The following ENOX1 variants were observed in gnomAD, a reference collection of about 807,000 sequenced individuals.
ENOX1 encodes the protein candidate growth-related and time keeping constitutive hydroquinone (NADH) oxidase.
In ENOX1, 42 loss-of-function variants were observed where a neutral mutation model predicts 82.5. That is an observed-to-expected ratio of 0.51 (90% CI 0.40 to 0.66). The LOEUF is 0.66. Among genes scored for constraint, ENOX1 ranks in the 30% least tolerant of loss-of-function variants. ENOX1 has a pLI of 0.00. For synonymous variants in ENOX1, 271 were observed against 282.2 expected, an observed-to-expected ratio of 0.96 and a Z score of 0.40; for missense variants, 608 against 811.6, an observed-to-expected ratio of 0.75 and a Z score of 3.05.
intron 14 of ENOX1, among the ~76,000 whole-genome samples, chr13:43,247,503 A>T (rs1433118588): frequency 6.6e-6 from 1 of 151,986 alleles, no homozygotes; most frequent in Non-Finnish European, 1.5e-5. Context: ...TTTTCATGGT[A>T]GTACTTCAGG....
Position 43,577,520 on chromosome 13 carries a change from A to C in ENOX1, c.-219+89959T>G, listed in dbSNP as rs778870709. Reference sequence around the variant, plus strand: ...GGCACCTTATGGCTGTATTCCCCTAAGGGGAAGAACACTGTGTCCTCATGT... The same window carrying C: ...GGCACCTTATGGCTGTATTCCCCTACGGGGAAGAACACTGTGTCCTCATGT... On this transcript the variant is annotated intron_variant, in intron 2 of 16. Coordinates refer to ENST00000690772, the MANE Select transcript of ENOX1 (RefSeq NM_001347969.2). Among the ~76,000 whole-genome samples the C allele has an allele frequency of 3.2e-4, 49 of 152,228 alleles. 2 individuals carry two copies. The highest frequency in any genetic ancestry group is 2.6e-4 in the Admixed American group (4 of 15,284).
intron 2 of ENOX1, among the ~76,000 whole-genome samples, chr13:43,655,339 C>A (rs2084380586): frequency 6.6e-6 from 1 of 152,010 alleles, no homozygotes; most frequent in Non-Finnish European, 1.5e-5. Flanking sequence ...GGATAATCTT[C>A]TGGTCACTTT....
intron 12 of ENOX1, among the ~76,000 whole-genome samples, chr13:43,276,648 T>C (rs1249153987): frequency 6.6e-6 from 1 of 152,246 alleles, no homozygotes; most frequent in African/African-American, 2.4e-5. Context: ...AATCCTGAGC[T>C]AATCCCTGAT....
Position 43,416,001 on chromosome 13 carries a change from C to T in ENOX1, c.-74-3013G>A, listed in dbSNP as rs370618464. Among the ~76,000 whole-genome samples, 140 of 149,914 alleles carry T rather than the reference C, an allele frequency of 9.3e-4. 2 individuals carry two copies. The highest frequency in any genetic ancestry group is 3.0e-3 in the African/African-American group (124 of 40,758). ...AGGGCGGCCAGGCAGAGGCGCTCCCCATCTCCCAGACGGGGCAGCCGGGCA... is the reference window on the plus strand; with the variant it reads ...AGGGCGGCCAGGCAGAGGCGCTCCCTATCTCCCAGACGGGGCAGCCGGGCA... On this transcript the variant is annotated intron_variant, in intron 3 of 16. Coordinates refer to ENST00000690772, the MANE Select transcript of ENOX1 (RefSeq NM_001347969.2).
At chr13:43,364,115 A>G (rs1216116871) in intron 5 of ENOX1, among the ~76,000 whole-genome samples, 1 of 152,222 alleles carries the variant, frequency 6.6e-6, no homozygotes, top group Non-Finnish European at 1.5e-5. Flanking sequence ...CAATATATGT[A>G]AAGATGGAAA....
chr13:43,361,028 G>A (rs904050094), intron 6 of ENOX1, among the ~76,000 whole-genome samples: 1 of 152,116 alleles, frequency 6.6e-6, no homozygotes, highest in Non-Finnish European at 1.5e-5. Context: ...CATGCAAAAA[G>A]TCTTAACGCT....
At chr13:43,558,394 A>G (rs1027555445) in intron 2 of ENOX1, among the ~76,000 whole-genome samples, 2 of 152,192 alleles carry the variant, frequency 1.3e-5, no homozygotes, top group Admixed American at 6.5e-5. Flanking sequence ...TTTGAAAACA[A>G]TTAGCTGGTT....
chr13:43,216,053 G>A (rs530433450), intron 16 of ENOX1, among the ~76,000 whole-genome samples: 10 of 152,222 alleles, frequency 6.6e-5, no homozygotes, highest in East Asian at 5.8e-4. Flanking sequence ...AAAATTAGCC[G>A]GGTGTGGTGG....
At chr13:43,512,463 T>G (rs545456631) in intron 2 of ENOX1, among the ~76,000 whole-genome samples, 88 of 152,160 alleles carry the variant, frequency 5.8e-4, no homozygotes, top group Non-Finnish European at 1.1e-3. Flanking sequence ...TACCATAATA[T>G]TTTGAAACAC....
chr13:43,280,721 C>T (rs565191871), intron 12 of ENOX1, among the ~76,000 whole-genome samples: 21 of 152,122 alleles, frequency 1.4e-4, no homozygotes, highest in Non-Finnish European at 2.8e-4. Context: ...GAAGTTAATC[C>T]AATGATTACA....
chr13:43,388,179 C>A (rs1467142065), intron 5 of ENOX1, among the ~76,000 whole-genome samples: 1 of 152,144 alleles, frequency 6.6e-6, no homozygotes, highest in East Asian at 1.9e-4. Context: ...TAGAAAGAAA[C>A]TCAACCCATT....
chr13:43,494,822 T>C (rs1315841907), intron 2 of ENOX1, among the ~76,000 whole-genome samples: 1 of 152,116 alleles, frequency 6.6e-6, no homozygotes, highest in Non-Finnish European at 1.5e-5. Flanking sequence ...TTTGAATAGG[T>C]CAGTTAGACA....
chr13:43,507,996 C>T (rs2077232263), intron 2 of ENOX1, among the ~76,000 whole-genome samples: 1 of 151,822 alleles, frequency 6.6e-6, no homozygotes, highest in African/African-American at 2.4e-5. Flanking sequence ...ATTTGAAAAA[C>T]ATTATATCAA....
chr13:43,471,405 T>C (rs941438663), intron 3 of ENOX1, among the ~76,000 whole-genome samples: 1 of 152,200 alleles, frequency 6.6e-6, no homozygotes, highest in African/African-American at 2.4e-5. Context: ...TCTTATCATA[T>C]GTAAATTTTA....
intron 2 of ENOX1, among the ~76,000 whole-genome samples, chr13:43,580,961 T>C (rs530726490): frequency 2.4e-4 from 37 of 152,272 alleles, no homozygotes; most frequent in Non-Finnish European, 4.0e-4. Context: ...CAGGTGGTAA[T>C]GAAAGTTAGG....
chr13:43,355,898 G>C (rs2050118611), intron 8 of ENOX1, 21 bp downstream of exon 8: 2 of 1,596,228 alleles, frequency 1.3e-6, no homozygotes, highest in Non-Finnish European at 1.7e-6. Context: ...AGGAAGAAAA[G>C]CCAGCGTGGG....
intron 1 of ENOX1, among the ~76,000 whole-genome samples, chr13:43,782,573 C>T (rs1454183975): frequency 1.3e-5 from 2 of 152,100 alleles, no homozygotes; most frequent in African/African-American, 4.8e-5. Flanking sequence ...GGTGAAAAGG[C>T]CTCTTTAATG....
At chr13:43,227,687 T>A (rs2042088166) in intron 15 of ENOX1, among the ~76,000 whole-genome samples, 1 of 152,186 alleles carries the variant, frequency 6.6e-6, no homozygotes, top group African/African-American at 2.4e-5. Context: ...AGATTAGAAG[T>A]CCTGACGTGG....
intron 1 of ENOX1, among the ~76,000 whole-genome samples, chr13:43,675,692 G>A (rs755955390): frequency 4.1e-4 from 63 of 152,132 alleles, no homozygotes; most frequent in Non-Finnish European, 7.9e-4. Flanking sequence ...GTCTTTTGAA[G>A]GTCACACAGC....
Sources: allele counts gnomAD v4.1 joint callset (sites outside exome capture counted in the v4.1 genomes callset), GRCh38; gene constraint gnomAD v4.1.1; transcripts MANE v1.5; gene names NCBI Gene and HGNC (gene_info 2026-07-23, HGNC 2026-07-21).